RORA: variants seen among roughly 807,000 people sequenced by gnomAD.
The protein encoded by RORA is RAR related orphan receptor A.
In RORA, 7 loss-of-function variants were observed where a neutral mutation model predicts 69.5. The observed-to-expected ratio is 0.10, with a 90% CI of 0.06 to 0.19. The LOEUF (loss-of-function observed/expected upper bound fraction) is 0.19, where lower values mean the gene tolerates loss of function less well. Among genes scored for constraint, RORA ranks in the 10% least tolerant of loss-of-function variants. The probability of loss-of-function intolerance (pLI) is 1.00; values close to 1 mark genes in which losing one functional copy is unlikely to be tolerated. For missense variants in RORA, 457 were observed against 663.0 expected, an observed-to-expected ratio of 0.69 and a Z score of 3.41; for synonymous variants, 261 against 240.8, an observed-to-expected ratio of 1.08 and a Z score of -0.78.
chr15:60,768,970 G>C (rs906913487), intron 1 of RORA, among the ~76,000 whole-genome samples: 2 of 152,174 alleles, frequency 1.3e-5, no homozygotes, highest in African/African-American at 2.4e-5. Flanking sequence ...TGCATGTGTG[G>C]TTATTTTTAA....
chr15:60,588,825 G>C (rs2068414068), intron 2 of RORA, among the ~76,000 whole-genome samples: 1 of 152,074 alleles, frequency 6.6e-6, no homozygotes, highest in Non-Finnish European at 1.5e-5. Flanking sequence ...TCAAATCGTG[G>C]GCAAAAGGGT....
chr15:61,070,576 C>T (rs55847008), intron 1 of RORA, among the ~76,000 whole-genome samples: 10 of 152,232 alleles, frequency 6.6e-5, no homozygotes, highest in African/African-American at 2.4e-4. Context: ...TTCATCTGCT[C>T]ATTCATTCAG....
At chr15:60,796,275 A>C (rs1179074779) in intron 1 of RORA, among the ~76,000 whole-genome samples, 1 of 152,164 alleles carries the variant, frequency 6.6e-6, no homozygotes, top group Non-Finnish European at 1.5e-5. Context: ...TTCCCCATGC[A>C]CACGACTCTC....
chr15:60,615,049 C>T (rs1218020794), intron 2 of RORA: 16 of 1,603,260 alleles, frequency 1.0e-5, no homozygotes, highest in East Asian at 4.5e-5. Context: ...AACAGAACAG[C>T]GTCAACCCAC....
intron 2 of RORA, among the ~76,000 whole-genome samples, chr15:60,568,903 T>C (rs954097565): frequency 1.8e-4 from 28 of 151,814 alleles, no homozygotes; most frequent in African/African-American, 6.8e-4. Context: ...TGAATAGTTT[T>C]GATATTTTTC....
At chr15:61,019,302 A>T (rs1895418732) in intron 1 of RORA, among the ~76,000 whole-genome samples, 1 of 152,230 alleles carries the variant, frequency 6.6e-6, no homozygotes, top group Admixed American at 6.5e-5. Context: ...CACATTTTAA[A>T]GGAACAGAAT....
At chr15:60,787,940 C>T (rs1237038282) in intron 1 of RORA, among the ~76,000 whole-genome samples, 2 of 152,238 alleles carry the variant, frequency 1.3e-5, no homozygotes, top group African/African-American at 4.8e-5. Flanking sequence ...GCTGGGGATA[C>T]TGCAGTGGGT....
intron 1 of RORA, among the ~76,000 whole-genome samples, chr15:60,947,938 C>T (rs1892948042): frequency 6.6e-6 from 1 of 152,086 alleles, no homozygotes; most frequent in African/African-American, 2.4e-5. Context: ...TAGTGCTATC[C>T]ACAGACAACA....
chr15:60,719,265 G>GTCTGAGAT (rs1454659563), intron 1 of RORA, among the ~76,000 whole-genome samples: 1 of 151,868 alleles, frequency 6.6e-6, no homozygotes, highest in Admixed American at 6.6e-5. Flanking sequence ...ATGACATGAT[G>GTCTGAGAT]TCTGAGATTT....
At chr15:60,978,862 G>C (rs1214664820) in intron 1 of RORA, among the ~76,000 whole-genome samples, 4 of 151,694 alleles carry the variant, frequency 2.6e-5, no homozygotes, top group Admixed American at 1.3e-4. Context: ...TATTCCATCG[G>C]TCCATATGTC....
intron 1 of RORA, among the ~76,000 whole-genome samples, chr15:61,139,995 G>A (rs1171130050): frequency 6.6e-6 from 1 of 152,142 alleles, no homozygotes; most frequent in Non-Finnish European, 1.5e-5. Context: ...GACACCATTT[G>A]GCACTTCCCA....
intron 1 of RORA, among the ~76,000 whole-genome samples, chr15:60,743,113 C>T (rs2071598248): frequency 6.8e-6 from 1 of 146,536 alleles, no homozygotes; most frequent in South Asian, 2.2e-4. Context: ...CCCCTGGGTT[C>T]AAGTGATTCT....
At chr15:60,858,765 A>G (rs1057427878) in intron 1 of RORA, among the ~76,000 whole-genome samples, 2 of 151,714 alleles carry the variant, frequency 1.3e-5, no homozygotes, top group Admixed American at 6.6e-5. Context: ...AATCCACAAA[A>G]AATGAAAGAC....
chr15:60,645,357 GA>G (rs199650107), intron 2 of RORA, among the ~76,000 whole-genome samples: 4,695 of 148,430 alleles, frequency 0.032, 251 homozygotes, highest in African/African-American at 0.11. Context: ...TGGCTATGAT[GA>G]AAAAAAAATC....
intron 1 of RORA, among the ~76,000 whole-genome samples, chr15:61,067,347 G>A (rs879489826): frequency 9.9e-5 from 15 of 151,734 alleles, no homozygotes; most frequent in African/African-American, 1.9e-4. Flanking sequence ...CTTGTGATCC[G>A]CCCGCCTCGG....
intron 1 of RORA, among the ~76,000 whole-genome samples, chr15:61,198,037 T>C (rs2079860822): frequency 6.6e-6 from 1 of 152,162 alleles, no homozygotes; most frequent in Non-Finnish European, 1.5e-5. Context: ...GATTTTCCAC[T>C]CTGTTTTATA....
At chr15:60,872,138 G>C (rs74017818) in intron 1 of RORA, among the ~76,000 whole-genome samples, 86 of 146,132 alleles carry the variant, frequency 5.9e-4, no homozygotes, top group African/African-American at 2.1e-3. Flanking sequence ...TAGTCTAAGA[G>C]GTAGGAGCTC....
Position 60,822,599 on chromosome 15 carries a change from C to G in RORA, c.167-143913G>C, listed in dbSNP as rs187427777. Among the ~76,000 whole-genome samples, 5 of 152,330 alleles carry G rather than the reference C, an allele frequency of 3.3e-5. 1 individual carries two copies. Among genetic ancestry groups the G allele is most frequent in the African/African-American group, 9.6e-5 (4 of 41,596 alleles). ...CCTCAGAAGAAGGCAATGCTCCCCA[C>G]AACGAGGCTGACTGTTGAGTGTGTG... is the stretch of plus-strand genomic sequence containing the variant. On this transcript the variant is annotated intron_variant, in intron 1 of 10. Coordinates refer to ENST00000335670, the MANE Select transcript of RORA (RefSeq NM_134261.3).
chr15:60,588,556 T>TTGGGTGCTATTG (rs1423775366), intron 2 of RORA, among the ~76,000 whole-genome samples: 10 of 152,286 alleles, frequency 6.6e-5, no homozygotes, highest in Admixed American at 5.2e-4. Context: ...AAGAAAGTGG[T>TTGGGTGCTATTG]TGGGTGCTAT....
Sources: gnomAD v4.1 joint callset for allele counts (sites outside exome capture counted in the v4.1 genomes callset) on GRCh38, gnomAD v4.1.1 for gene constraint, MANE v1.5 for transcripts, NCBI Gene and HGNC (gene_info 2026-07-23, HGNC 2026-07-21) for gene names.